CUX1: variants seen among roughly 807,000 people sequenced by gnomAD.
The protein encoded by CUX1 is cut like homeobox 1, also known as protein CASP.
In CUX1, 31 loss-of-function variants were observed where a neutral mutation model predicts 158.8. The ratio of observed to expected loss-of-function variants is 0.20; its 90% CI spans 0.15 to 0.26. CUX1 has a LOEUF of 0.26. CUX1 is among the 10% of genes least tolerant of loss of function. The pLI is 1.00. For synonymous variants in CUX1, 879 were observed against 862.1 expected (o/e 1.02, Z -0.34); for missense variants, 1,589 against 2,014.6 (o/e 0.79, Z 4.04).
rs1397149815 is a variant in CUX1 at position 102,205,251 on chromosome 7, G to A, written c.3130+81G>A. The A allele has an allele frequency of 5.0e-5, 53 of 1,053,790 alleles. No individual in the cohort carries two copies. The East Asian group carries it at 9.5e-4, about 19-fold the overall frequency. The allele number at this position is 1,053,790 out of a possible 1,614,324, so 65.3% of individuals were successfully genotyped here. A position where few individuals can be genotyped will look rare whatever the true frequency, so the allele number is the denominator to read the frequency against. Reference sequence around the variant, plus strand: ...GTCCCGTGCTGTGGTCTGTCCCGGCGAGACTCCGAGGGACCGCACATTCTG... The same window carrying A: ...GTCCCGTGCTGTGGTCTGTCCCGGCAAGACTCCGAGGGACCGCACATTCTG... On this transcript the variant is annotated intron_variant, in intron 20 of 23. Transcript: ENST00000292535.
At chr7:102,225,498 T>C (rs448775) in intron 20 of CUX1, among the ~76,000 whole-genome samples, 93,877 of 151,982 alleles carry the variant, frequency 0.62, 29,418 homozygotes, top group East Asian at 0.94. Flanking sequence ...AGGTAACAAG[T>C]ATTTTGGGCT....
At chr7:102,145,569 C>T (rs782041804) in intron 8 of CUX1, among the ~76,000 whole-genome samples, 2 of 152,114 alleles carry the variant, frequency 1.3e-5, no homozygotes, top group African/African-American at 4.8e-5. Context: ...GTTTTATCCT[C>T]ATGCTAATTT....
At chr7:102,258,458 C>A (rs1444917976), downstream of CUX1, among the ~76,000 whole-genome samples, 1 of 152,194 alleles carries the variant, frequency 6.6e-6, no homozygotes, top group Non-Finnish European at 1.5e-5. Context: ...GCATCTGGTT[C>A]ACAGGAAGGG....
In CUX1 at chr7:102,252,891, A is replaced by C. The variant is rs1801662538; in HGVS notation, c.*3849A>C. 8.1e-6 allele frequency: 8 copies of C among 985,382 alleles called. No individual in the cohort carries two copies. Among genetic ancestry groups the C allele is most frequent in the Non-Finnish European group, 8.4e-6 (7 of 829,966 alleles). 61.0% of individuals were successfully genotyped at this position (985,382 alleles called of 1,614,324 possible). The stretch of plus-strand genomic sequence containing the variant: ...AGACGATCTTAGGAGGCATCTTGGC[A>C]TGAGGCAGCTTCTAAGCGTCTCCTG... On this transcript the variant is annotated 3_prime_UTR_variant, in exon 24 of 24. Coordinates refer to ENST00000292535, the MANE Select transcript of CUX1 (RefSeq NM_181552.4).
In CUX1 at chr7:102,278,038, C is replaced by T. The variant is rs1196457536; in HGVS notation, c.1653C>T (p.Ile551=). ...ACAACATCAAGCTCTTTGAGAAGAT[C>T]AAGTTCCTGCAGAGCTACCCTGGCC... The change falls in exon 18 of 23, where the codon ATC becomes ATT. Residue 551 remains isoleucine (I), a synonymous_variant. Coordinates refer to the CUX1 transcript ENST00000292538. The T allele has an allele frequency of 3.1e-6, 5 of 1,608,346 alleles. No individual in the cohort carries two copies. The African/African-American group carries it at 6.7e-5, about 22-fold the overall frequency.
intron 1 of CUX1, among the ~76,000 whole-genome samples, chr7:101,860,793 C>G (rs1482380897): frequency 7.2e-6 from 1 of 139,162 alleles, no homozygotes; most frequent in Non-Finnish European, 1.5e-5. Flanking sequence ...TCCCTCCTTC[C>G]CCTCTCTTCT....
intron 4 of CUX1, among the ~76,000 whole-genome samples, chr7:102,092,932 AGAAAG>A (rs375548388): frequency 0.12 from 9,591 of 77,422 alleles, 860 homozygotes; most frequent in African/African-American, 0.29. Context: ...AAAAAAAAAA[AGAAAG>A]AAAGAAAAGA....
rs554760420 is a variant in CUX1 at position 102,178,997 on chromosome 7, TG to T, written c.1017+343del. On this transcript the variant is annotated intron_variant, in intron 11 of 23. Coordinates refer to ENST00000292535, the MANE Select transcript of CUX1 (RefSeq NM_181552.4). ...CTCCTGCCTCAGCCTCCCATGTAGC[TG>T]GGATCACAGGCGTGCATCACCATGC... Among the ~76,000 whole-genome samples the T allele has an allele frequency of 1.2e-4, 18 of 152,354 alleles. No homozygotes were observed. The East Asian group carries it at 2.7e-3, about 23-fold the overall frequency.
chr7:102,129,150 C>A (rs1832955643), intron 8 of CUX1, among the ~76,000 whole-genome samples: 1 of 152,196 alleles, frequency 6.6e-6, no homozygotes, highest in Non-Finnish European at 1.5e-5. Context: ...AATTATGTCG[C>A]TTTCCATGAT....
At chr7:101,971,787 C>T (rs185352155) in intron 2 of CUX1, among the ~76,000 whole-genome samples, 2 of 152,320 alleles carry the variant, frequency 1.3e-5, no homozygotes, top group Admixed American at 6.5e-5. Context: ...TTACAAGTTG[C>T]TGGCAACCAA....
intron 20 of CUX1, among the ~76,000 whole-genome samples, chr7:102,213,661 C>T (rs1554523799): frequency 2.6e-5 from 4 of 152,200 alleles, no homozygotes. Context: ...AAAAGTAGGT[C>T]ATAGGAGCAA....
At chr7:101,828,396 A>T (rs923971252) in intron 1 of CUX1, among the ~76,000 whole-genome samples, 1 of 152,230 alleles carries the variant, frequency 6.6e-6, no homozygotes, top group Non-Finnish European at 1.5e-5. Context: ...TAGAACACAA[A>T]AAGATCCACA....
chr7:102,097,368 C>T lies in CUX1; in HGVS notation c.273C>T (p.Pro91=), dbSNP rs1335972038. The change falls in exon 5 of 24, where the codon CCC becomes CCT. Residue 91 remains proline, a synonymous_variant. Transcript: ENST00000292535. Reference sequence around the variant, plus strand: ...GGCTGTTTTCCTGTTGTGCAGATCCCGTACCAGCTTTGGATCTCGGACAGC... The same window carrying T: ...GGCTGTTTTCCTGTTGTGCAGATCCTGTACCAGCTTTGGATCTCGGACAGC... ...VYKRLIDVPD[P]VPALDLGQQL... The T allele has an allele frequency of 8.7e-6, 14 of 1,608,266 alleles. No homozygotes were observed. The highest frequency in any genetic ancestry group is 1.7e-4 in the Middle Eastern group (1 of 6,048).
At chr7:102,199,550 G>T (rs1161364595) in intron 16 of CUX1, among the ~76,000 whole-genome samples, 1 of 152,206 alleles carries the variant, frequency 6.6e-6, no homozygotes, top group Non-Finnish European at 1.5e-5. Context: ...ATTTTAAAAA[G>T]ATATTATGTG....
At chr7:102,042,874 T>C (rs1822280995) in intron 3 of CUX1, among the ~76,000 whole-genome samples, 1 of 152,052 alleles carries the variant, frequency 6.6e-6, no homozygotes, top group African/African-American at 2.4e-5. Flanking sequence ...ACTGCAGCCT[T>C]GACCTCCCGG....
intron 1 of CUX1, among the ~76,000 whole-genome samples, chr7:101,862,288 G>C (rs1438293696): frequency 2.6e-5 from 4 of 151,872 alleles, no homozygotes; most frequent in African/African-American, 9.7e-5. Flanking sequence ...GTGTGTGGCG[G>C]GAAGGTCAGA....
At chr7:101,973,521 T>G (rs1314388733) in intron 2 of CUX1, among the ~76,000 whole-genome samples, 1 of 152,172 alleles carries the variant, frequency 6.6e-6, no homozygotes, top group South Asian at 2.1e-4. Context: ...GGGAAAGTTA[T>G]GCATATAGAA....
rs548185345 is a variant in CUX1 at position 101,898,651 on chromosome 7, C to T, written c.31-17464C>T. Among the ~76,000 whole-genome samples the T allele has an allele frequency of 2.8e-5, 4 of 142,890 alleles. No homozygotes were observed. In the South Asian group the frequency reaches 6.6e-4, roughly 23 times the overall value. 93.7% of individuals were successfully genotyped at this position (142,890 alleles called of 152,430 possible). A position where few individuals can be genotyped will look rare whatever the true frequency, so the allele number is the denominator to read the frequency against. On this transcript the variant is annotated intron_variant, in intron 1 of 23. Coordinates refer to ENST00000292535, the MANE Select transcript of CUX1 (RefSeq NM_181552.4). ...TGTGGCCTGGGCTGGAGTGCAGCGGCGCGACCTTGGCTCACTGCAACCTCC... is the reference window on the plus strand; with the variant it reads ...TGTGGCCTGGGCTGGAGTGCAGCGGTGCGACCTTGGCTCACTGCAACCTCC...
chr7:102,255,903 GT>G lies in CUX1; in HGVS notation c.*6862del. The stretch of plus-strand genomic sequence containing the variant: ...ATAGATGACTATGTGTAAAAGCTCT[GT>G]GCAATTGAAATCATTTTTCTTCATT... On this transcript the variant is annotated 3_prime_UTR_variant, in exon 24 of 24. Coordinates refer to ENST00000292535, the MANE Select transcript of CUX1 (RefSeq NM_181552.4). 1 of 985,128 alleles carries G rather than the reference GT, an allele frequency of 1.0e-6. No homozygotes were observed. Among genetic ancestry groups the G allele is most frequent in the Non-Finnish European group, 1.2e-6 (1 of 829,868 alleles). The allele number at this position is 985,128 out of a possible 1,614,324, so 61.0% of individuals were successfully genotyped here.
Sources: allele counts gnomAD v4.1 joint callset (sites outside exome capture counted in the v4.1 genomes callset), GRCh38; gene constraint gnomAD v4.1.1; transcripts MANE v1.5; gene names NCBI Gene and HGNC (gene_info 2026-07-23, HGNC 2026-07-21).